Variants in ADGRL1 observed in about 807,000 individuals in gnomAD.
ADGRL1 encodes adhesion G protein-coupled receptor L1.
Under a neutral mutation model 148.9 loss-of-function variants are expected in ADGRL1, and 31 were observed. That is an observed-to-expected ratio of 0.21 (90% confidence interval 0.16 to 0.28). The LOEUF is 0.28. ADGRL1 is among the 10% of genes least tolerant of loss of function. The pLI is 1.00. For synonymous variants in ADGRL1, 937 were observed against 900.3 expected (o/e 1.04, Z -0.73); for missense variants, 1,521 against 2,058.8 (o/e 0.74, Z 5.05).
In ADGRL1 at chr19:14,162,706, G is replaced by A; in HGVS notation, c.1095C>T (p.Ser365=). The part of the protein sequence containing the change: ...LTFPNPYQFI[S]SVDYNPRDNQ... ...TGTCGCGAGGGTTGTAGTCAACGGA[G>A]GAGATGAACTGGTAGGGGTTGGGGA... Residue 365 remains serine (S), a synonymous_variant, in exon 5 of 23, where the codon TCC becomes TCT. Transcript: ENST00000361434. This position sits in a 1 kb window ranked among gnomAD's most constrained non-coding sequence, Gnocchi z 5.4. The A allele has an allele frequency of 6.2e-7, 1 of 1,614,212 alleles. No homozygotes were observed. Among genetic ancestry groups the A allele is most frequent in the Non-Finnish European group, 8.5e-7 (1 of 1,180,018 alleles).
intron 3 of ADGRL1, among the ~76,000 whole-genome samples, chr19:14,176,495 A>G (rs1970836486): frequency 6.6e-6 from 1 of 152,044 alleles, no homozygotes; most frequent in East Asian, 1.9e-4. Context: ...CTGTGCTTCT[A>G]TCATCTGTGC....
intron 3 of ADGRL1, among the ~76,000 whole-genome samples, chr19:14,174,722 G>C (rs931736840): frequency 6.6e-6 from 1 of 151,698 alleles, no homozygotes; most frequent in African/African-American, 2.4e-5. Context: ...TTTTGGTAGA[G>C]ACAGGGTTTC....
At chr19:14,191,521 G>A (rs1971939231) in intron 1 of ADGRL1, 1 of 450,372 alleles carries the variant, frequency 2.2e-6, no homozygotes, top group African/African-American at 2.0e-5. Flanking sequence ...GCCATAGACT[G>A]CGCGGCTTAC....
intron 1 of ADGRL1, among the ~76,000 whole-genome samples, chr19:14,201,350 G>A (rs1201872161): frequency 7.0e-6 from 1 of 141,930 alleles, no homozygotes; most frequent in Non-Finnish European, 1.5e-5. Flanking sequence ...TTTTTGGCCT[G>A]GGCATCTATT....
intron 1 of ADGRL1, among the ~76,000 whole-genome samples, chr19:14,205,488 A>G (rs1182414923): frequency 2.0e-5 from 3 of 150,930 alleles, no homozygotes; most frequent in Non-Finnish European, 4.4e-5. Flanking sequence ...CTGTGGTGCC[A>G]GCCCCCGACA....
At chr19:14,158,115 C>A in intron 12 of ADGRL1, 63 bp from the exon 13 acceptor site, 2 of 1,528,390 alleles carry the variant, frequency 1.3e-6, no homozygotes, top group South Asian at 2.3e-5. Context: ...CCATTCCGAC[C>A]CCCCACACCT....
intron 1 of ADGRL1, 86 bp from the exon 2 acceptor site, chr19:14,183,783 A>G: frequency 1.7e-6 from 1 of 593,952 alleles, no homozygotes. Context: ...TAGCTCTGAG[A>G]GGCTGAGGTC....
At chr19:14,188,869 G>A (rs1971752081) in intron 1 of ADGRL1, among the ~76,000 whole-genome samples, 1 of 152,118 alleles carries the variant, frequency 6.6e-6, no homozygotes, top group African/African-American at 2.4e-5. Flanking sequence ...CACCTCCCGG[G>A]TTCAAGTGAT....
chr19:14,165,446 G>A (rs1311704435), intron 4 of ADGRL1, among the ~76,000 whole-genome samples: 1 of 152,122 alleles, frequency 6.6e-6, no homozygotes, highest in Non-Finnish European at 1.5e-5. Context: ...GGTGTCAGGG[G>A]GGAAAAATGT....
chr19:14,157,627 T>G lies in ADGRL1; in HGVS notation c.2536-167A>C, dbSNP rs968010050. On this transcript the variant is annotated intron_variant, in intron 13 of 22. Coordinates refer to ENST00000361434, the MANE Select transcript of ADGRL1 (RefSeq NM_014921.5). The surrounding 1 kb of genome is among the most constrained non-coding windows in gnomAD (Gnocchi z 7.5). ...CTCTGCACGCAGCAATGCGCTCACT[T>G]CCTCATGCTCTGGAAGGCTTGTGGA... Among the ~76,000 whole-genome samples the G allele has an allele frequency of 6.6e-6, 1 of 152,222 alleles. No individual in the cohort carries two copies. Among genetic ancestry groups the G allele is most frequent in the Non-Finnish European group, 1.5e-5 (1 of 68,026 alleles).
chr19:14,189,015 G>A (rs574266358), intron 1 of ADGRL1, among the ~76,000 whole-genome samples: 128 of 152,202 alleles, frequency 8.4e-4, no homozygotes, highest in Admixed American at 3.7e-3. Context: ...GCCTCCCAAC[G>A]TGTTGGGATT....
At chr19:14,191,081 C>T (rs368466361) in intron 1 of ADGRL1, 161 of 451,700 alleles carry the variant, frequency 3.6e-4, no homozygotes, top group Middle Eastern at 1.7e-3. Flanking sequence ...AGCAAGACTC[C>T]GTCTCAAAAC....
intron 1 of ADGRL1, among the ~76,000 whole-genome samples, chr19:14,203,926 C>A (rs776568003): frequency 6.6e-6 from 1 of 151,992 alleles, no homozygotes; most frequent in Non-Finnish European, 1.5e-5. Context: ...GTGGACCGAG[C>A]GGGGCCATGA....
At chr19:14,183,219 G>GAGAGAGAGAC (rs1491342551) in intron 2 of ADGRL1, among the ~76,000 whole-genome samples, 13 of 150,882 alleles carry the variant, frequency 8.6e-5, no homozygotes, top group African/African-American at 2.9e-4. Context: ...GAGAGAGAGC[G>GAGAGAGAGAC]AGAGAGAGAC....
Position 14,160,543 on chromosome 19 carries a change from G to T in ADGRL1, c.1614+50C>A. The T allele has an allele frequency of 1.4e-6, 2 of 1,387,194 alleles. No individual in the cohort carries two copies. Among genetic ancestry groups the T allele is most frequent in the Non-Finnish European group, 2.0e-6 (2 of 1,013,450 alleles). The allele number at this position is 1,387,194 out of a possible 1,614,324, so 85.9% of individuals were successfully genotyped here. Reference sequence around the variant, plus strand: ...CTCCACGACCCCCGCTGGGCCCTGGGCCCTGGGCCCGAGCACATGTGCCTG... The same window carrying T: ...CTCCACGACCCCCGCTGGGCCCTGGTCCCTGGGCCCGAGCACATGTGCCTG... On this transcript the variant is annotated intron_variant, in intron 7 of 22. Coordinates refer to ENST00000361434, the MANE Select transcript of ADGRL1 (RefSeq NM_014921.5). This position sits in a 1 kb window ranked among gnomAD's most constrained non-coding sequence, Gnocchi z 5.9.
In ADGRL1 at chr19:14,160,829, G is replaced by A; in HGVS notation, c.1511-133C>T. 1 of 693,012 alleles carries A rather than the reference G, an allele frequency of 1.4e-6. No homozygotes were observed. The highest frequency in any genetic ancestry group is 2.6e-6 in the Non-Finnish European group (1 of 380,300). 42.9% of individuals were successfully genotyped at this position (693,012 alleles called of 1,614,324 possible). A position where few individuals can be genotyped will look rare whatever the true frequency, so the allele number is the denominator to read the frequency against. ...AAGAGGGAGGTGAGGGAAACACGGA[G>A]AAACAGACATGAAGCGGGCTGGACA... is the stretch of plus-strand genomic sequence containing the variant. On this transcript the variant is annotated intron_variant, in intron 6 of 22. Transcript: ENST00000361434. This position sits in a 1 kb window ranked among gnomAD's most constrained non-coding sequence, Gnocchi z 5.9.
chr19:14,147,799 A>G lies in ADGRL1; in HGVS notation c.*3074T>C, dbSNP rs1967747828. On this transcript the variant is annotated 3_prime_UTR_variant, in exon 23 of 23. Transcript: ENST00000361434. ...ACTTTTTGACTCAACAATTTTTTTA[A>G]AACTTTTTGTTTTTTTCTGAAACGT... is the stretch of plus-strand genomic sequence containing the variant. 1 of 152,468 alleles carries G rather than the reference A, an allele frequency of 6.6e-6. No homozygotes were observed. Among genetic ancestry groups the G allele is most frequent in the African/African-American group, 2.4e-5 (1 of 41,426 alleles). The allele number at this position is 152,468 out of a possible 1,614,324, so 9.4% of individuals were successfully genotyped here.
chr19:14,158,990 G>A (rs1969062115), intron 11 of ADGRL1, 100 bp downstream of exon 11: 2 of 1,441,282 alleles, frequency 1.4e-6, no homozygotes, highest in South Asian at 1.2e-5. Context: ...GAAAAGGTCA[G>A]CACCGCTGCC....
At chr19:14,166,913 G>C in intron 4 of ADGRL1, 1 of 1,227,404 alleles carries the variant, frequency 8.1e-7, no homozygotes, top group Non-Finnish European at 1.2e-6. Context: ...CCAAGTGTGG[G>C]TTGGGGAGAG....
Sources: allele counts gnomAD v4.1 joint callset (sites outside exome capture counted in the v4.1 genomes callset), GRCh38; gene constraint gnomAD v4.1.1; non-coding constraint Gnocchi (gnomAD v3.1); transcripts MANE v1.5; gene names NCBI Gene and HGNC (gene_info 2026-07-23, HGNC 2026-07-21).